SLC41A2: variants seen among roughly 807,000 people sequenced by gnomAD.
SLC41A2 encodes solute carrier family 41 member 2.
Under a neutral mutation model 58.3 loss-of-function variants are expected in SLC41A2, and 32 were observed. The observed-to-expected ratio is 0.55, with a 90% CI of 0.41 to 0.74. The LOEUF is 0.74. SLC41A2 is among the 30% of genes least tolerant of loss of function. SLC41A2 has a pLI of 0.00. For synonymous variants in SLC41A2, 190 were observed against 235.0 expected (o/e 0.81, Z 1.75); for missense variants, 514 against 680.6 (o/e 0.76, Z 2.72).
At chr12:104,828,520 C>T (rs557996610) in intron 10 of SLC41A2, among the ~76,000 whole-genome samples, 65 of 152,272 alleles carry the variant, frequency 4.3e-4, no homozygotes, top group Non-Finnish European at 8.8e-4. Context: ...CCCACTGGTG[C>T]TTCAGCTGTA....
At position 104,835,568 on chromosome 12, in the gene SLC41A2, C is replaced by T. The variant is rs903866801; in HGVS notation, c.1536+8904G>A. 6.1e-4 allele frequency among the ~76,000 whole-genome samples: 93 copies of T among 152,154 alleles called. 1 individual carries two copies. The highest frequency in any genetic ancestry group is 1.8e-4 in the Non-Finnish European group (12 of 68,018). ...CAAATTGTTATCCACTATAAAACTTCCTCCCCACATAGAAAAACCTCTCCC... is the reference window on the plus strand; with the variant it reads ...CAAATTGTTATCCACTATAAAACTTTCTCCCCACATAGAAAAACCTCTCCC... On this transcript the variant is annotated intron_variant, in intron 10 of 10. Coordinates refer to ENST00000258538, the MANE Select transcript of SLC41A2 (RefSeq NM_001352171.3).
At chr12:104,870,511 T>C (rs1454058232) in intron 6 of SLC41A2, among the ~76,000 whole-genome samples, 3 of 152,220 alleles carry the variant, frequency 2.0e-5, no homozygotes, top group South Asian at 2.1e-4. Flanking sequence ...AACTAATACA[T>C]GCATATTTAA....
intron 1 of SLC41A2, among the ~76,000 whole-genome samples, chr12:104,933,548 G>A (rs989792735): frequency 3.9e-5 from 6 of 151,946 alleles, no homozygotes; most frequent in African/African-American, 1.2e-4. Flanking sequence ...CAAAGGAAAA[G>A]AAGTAATCAC....
chr12:104,839,901 T>C (rs1206816051), intron 10 of SLC41A2, among the ~76,000 whole-genome samples: 2 of 152,220 alleles, frequency 1.3e-5, no homozygotes, highest in African/African-American at 2.4e-5. Context: ...ATAGAGGATA[T>C]ATATTTAGGA....
At chr12:104,915,529 C>A (rs1452271877) in intron 2 of SLC41A2, among the ~76,000 whole-genome samples, 1 of 152,150 alleles carries the variant, frequency 6.6e-6, no homozygotes, top group African/African-American at 2.4e-5. Context: ...CTCTTTGAAG[C>A]AATTGTGAAT....
In SLC41A2 at chr12:104,866,381, T is replaced by TACAC. The variant is rs57548373; in HGVS notation, c.1175+47_1175+50dup. On this transcript the variant is annotated intron_variant, in intron 7 of 10. Coordinates refer to ENST00000258538, the MANE Select transcript of SLC41A2 (RefSeq NM_001352171.3). ...GAAGACACACAAAGACAGACAGACG[T>TACAC]ACACACACACACACACACACACACA... 6,721 of 1,425,856 alleles carry TACAC rather than the reference T, an allele frequency of 4.7e-3. 7 individuals carry two copies. The highest frequency in any genetic ancestry group is 6.9e-3 in the African/African-American group (453 of 65,360). The allele number at this position is 1,425,856 out of a possible 1,614,324, so 88.3% of individuals were successfully genotyped here. A position where few individuals can be genotyped will look rare whatever the true frequency, so the allele number is the denominator to read the frequency against.
chr12:104,818,116 A>C (rs1344208589), intron 10 of SLC41A2, among the ~76,000 whole-genome samples: 1 of 152,214 alleles, frequency 6.6e-6, no homozygotes, highest in Non-Finnish European at 1.5e-5. Flanking sequence ...CTTATTTGTC[A>C]ATTTAAAAAT....
chr12:104,810,066 T>A (rs774321089), intron 10 of SLC41A2, among the ~76,000 whole-genome samples: 4 of 152,190 alleles, frequency 2.6e-5, no homozygotes, highest in Non-Finnish European at 5.9e-5. Flanking sequence ...TTGTTTGTCC[T>A]GGGCAAGGAG....
At chr12:104,948,814 A>C (rs1418082524) in intron 1 of SLC41A2, among the ~76,000 whole-genome samples, 4 of 152,222 alleles carry the variant, frequency 2.6e-5, no homozygotes, top group Non-Finnish European at 5.9e-5. Flanking sequence ...GATTCAAGTT[A>C]TTTTTGAACA....
intron 10 of SLC41A2, among the ~76,000 whole-genome samples, chr12:104,812,689 G>A (rs1462552353): frequency 1.3e-5 from 2 of 152,064 alleles, no homozygotes; most frequent in African/African-American, 4.8e-5. Context: ...GTGAGAGAAG[G>A]TTCCAGGATG....
intron 2 of SLC41A2, 88 bp downstream of exon 2, chr12:104,927,885 T>C: frequency 8.5e-7 from 1 of 1,181,370 alleles, no homozygotes; most frequent in South Asian, 2.2e-5. Flanking sequence ...AAAGTGAATG[T>C]TTGAGAGTAG....
intron 6 of SLC41A2, among the ~76,000 whole-genome samples, chr12:104,885,714 A>G (rs1408940573): frequency 1.3e-5 from 2 of 152,172 alleles, no homozygotes; most frequent in Admixed American, 6.5e-5. Flanking sequence ...TAAATACTCT[A>G]TCACTATTTA....
chr12:104,889,154 A>G lies in SLC41A2; in HGVS notation c.759T>C (p.Phe253=). Residue 253 remains phenylalanine (F), a synonymous_variant, in exon 5 of 11, where the codon TTT becomes TTC. Transcript: ENST00000258538. The part of the protein sequence containing the change: ...LKQVQATVVG[F]LAAVAAIILG... The stretch of plus-strand genomic sequence containing the variant: ...ATATAATTGCTGCCACAGCTGCTAG[A>G]AAACCCACTACTGTTGCCTGAACCT... 6.2e-7 allele frequency: 1 copy of G among 1,608,726 alleles called. No homozygotes were observed. The highest frequency in any genetic ancestry group is 8.5e-7 in the Non-Finnish European group (1 of 1,178,594).
intron 1 of SLC41A2, among the ~76,000 whole-genome samples, chr12:104,934,428 C>G (rs1455661983): frequency 6.6e-6 from 1 of 151,762 alleles, no homozygotes; most frequent in Non-Finnish European, 1.5e-5. Context: ...AACTATAAAG[C>G]AACAAAATGC....
chr12:104,820,920 C>G (rs531530283), intron 10 of SLC41A2, among the ~76,000 whole-genome samples: 1 of 152,206 alleles, frequency 6.6e-6, no homozygotes, highest in Non-Finnish European at 1.5e-5. Flanking sequence ...GCTGGGATTA[C>G]AGGCATGAGC....
At chr12:104,936,759 CTA>C (rs1157339627) in intron 1 of SLC41A2, among the ~76,000 whole-genome samples, 2 of 151,914 alleles carry the variant, frequency 1.3e-5, no homozygotes, top group African/African-American at 4.8e-5. Context: ...CAGAGCCAAA[CTA>C]TATCAGTGTG....
At chr12:104,937,290 C>G (rs947049447) in intron 1 of SLC41A2, among the ~76,000 whole-genome samples, 2 of 152,146 alleles carry the variant, frequency 1.3e-5, no homozygotes, top group African/African-American at 4.8e-5. Flanking sequence ...ACTGACTTAC[C>G]CAGAGCAACT....
intron 3 of SLC41A2, among the ~76,000 whole-genome samples, chr12:104,905,632 A>G (rs1048178155): frequency 2.6e-5 from 4 of 152,224 alleles, no homozygotes; most frequent in Non-Finnish European, 5.9e-5. Flanking sequence ...CAGGCATGGC[A>G]GGCTGCAGGT....
chr12:104,833,546 C>T (rs556867770), intron 10 of SLC41A2, among the ~76,000 whole-genome samples: 6 of 152,126 alleles, frequency 3.9e-5, no homozygotes, highest in Admixed American at 6.6e-5. Flanking sequence ...TACTGAGTGA[C>T]GGTCTCACCA....
Sources: gnomAD v4.1 joint callset for allele counts (sites outside exome capture counted in the v4.1 genomes callset) on GRCh38, gnomAD v4.1.1 for gene constraint, MANE v1.5 for transcripts, NCBI Gene and HGNC (gene_info 2026-07-23, HGNC 2026-07-21) for gene names.